The following TMEM269 variants were observed in gnomAD, a reference collection of about 807,000 sequenced individuals.
TMEM269 encodes the protein transmembrane protein 269.
A neutral mutation model predicts 15.8 loss-of-function variants in TMEM269; 12 were observed. The ratio of observed to expected loss-of-function variants is 0.76; its 90% CI spans 0.49 to 1.23. The LOEUF is 1.23. TMEM269 is among the 50% of genes most tolerant of loss of function. TMEM269 has a pLI of 0.00. For synonymous variants in TMEM269, 93 were observed against 99.3 expected (o/e 0.94, Z 0.38); for missense variants, 211 against 245.4 (o/e 0.86, Z 0.94).
At chr1:42,794,663 C>A in intron 5 of TMEM269, 50 bp downstream of exon 5, 1 of 1,277,582 alleles carries the variant, frequency 7.8e-7, no homozygotes, top group Non-Finnish European at 1.1e-6. Context: ...TTGCTTATTG[C>A]CACTGTACCT....
intron 5 of TMEM269, 65 bp downstream of exon 5, chr1:42,794,678 C>T: frequency 8.8e-7 from 1 of 1,133,374 alleles, no homozygotes; most frequent in Non-Finnish European, 1.3e-6. Context: ...GTACCTCACC[C>T]CAGCATTTTT....
At chr1:42,795,530 G>A (rs959265476) in intron 5 of TMEM269, among the ~76,000 whole-genome samples, 1 of 152,142 alleles carries the variant, frequency 6.6e-6, no homozygotes, top group African/African-American at 2.4e-5. Context: ...TGGTGGCAGT[G>A]GAGATAAAGA....
At chr1:42,792,970 C>T in intron 3 of TMEM269, 68 bp downstream of exon 3, 1 of 1,185,480 alleles carries the variant, frequency 8.4e-7, no homozygotes, top group South Asian at 1.3e-5. Context: ...CCCCTTCGTC[C>T]ATCCTCTAAC....
rs887037362 is a variant in TMEM269, at chr1:42,800,518, A to T, written c.*2293A>T. The stretch of plus-strand genomic sequence containing the variant: ...TCTCTTTGTCCTAAGCTTGAGAGAG[A>T]GTGTAGATTTCCCTCCTGGTCAACT... On this transcript the variant is annotated 3_prime_UTR_variant, in exon 6 of 6. Coordinates refer to ENST00000637012, the MANE Select transcript of TMEM269 (RefSeq NM_001354602.2). The T allele has an allele frequency of 6.6e-6, 1 of 152,182 alleles. No individual in the cohort carries two copies. The highest frequency in any genetic ancestry group is 1.5e-5 in the Non-Finnish European group (1 of 68,028). The allele number at this position is 152,182 out of a possible 1,614,324, so 9.4% of individuals were successfully genotyped here.
chr1:42,789,583 G>A, intron 1 of TMEM269: 1 of 1,342,000 alleles, frequency 7.5e-7, no homozygotes, highest in Admixed American at 2.0e-5. Context: ...CCACTCTGCT[G>A]TTGAGCTTTC....
chr1:42,789,925 G>A lies in TMEM269; in HGVS notation c.32G>A (p.Ser11Asn). The A allele has an allele frequency of 5.8e-6, 9 of 1,550,388 alleles. No individual in the cohort carries two copies. The highest frequency in any genetic ancestry group is 7.8e-6 in the Non-Finnish European group (9 of 1,146,822). The change falls in exon 2 of 6, where the codon AGC (serine) becomes AAC (asparagine). Residue 11 changes from serine (S) to asparagine (N), a missense_variant. Physicochemically the swap from Ser to Asn is conservative, Grantham distance 46 (BLOSUM62 1). Coordinates refer to ENST00000637012, the MANE Select transcript of TMEM269 (RefSeq NM_001354602.2). ...CTGGGGCTCTTCTCCATCATCTTCA[G>A]CTTCAGCAGGTAGGTCTGGGGCCCA... is the stretch of plus-strand genomic sequence containing the variant. MVLGLFSIIF[S>N]FSRKCHYASR...
intron 3 of TMEM269, among the ~76,000 whole-genome samples, chr1:42,793,114 T>A (rs970680598): frequency 6.6e-6 from 1 of 152,164 alleles, no homozygotes; most frequent in Admixed American, 6.5e-5. Flanking sequence ...CTTGCTGACC[T>A]TTGGGCAGTC....
At chr1:42,793,571 G>A in intron 3 of TMEM269, 30 bp from the exon 4 acceptor site, 1 of 1,539,380 alleles carries the variant, frequency 6.5e-7, no homozygotes, top group East Asian at 2.5e-5. Context: ...GGGAGTATAA[G>A]TTCTTCTAAC....
chr1:42,797,832 G>A lies in TMEM269; in HGVS notation c.485-266G>A. On this transcript the variant is annotated intron_variant, in intron 5 of 5. Coordinates refer to ENST00000637012, the MANE Select transcript of TMEM269 (RefSeq NM_001354602.2). The surrounding 1 kb of genome is among the most constrained non-coding windows in gnomAD (Gnocchi z 4.9). ...GTTTGTTTTGTTTTCCCTAACAAAG[G>A]CAATTCAGATTTATTATTGGCTGGA... 1.6e-6 allele frequency: 1 copy of A among 612,140 alleles called. No homozygotes were observed. Among genetic ancestry groups the A allele is most frequent in the Non-Finnish European group, 3.1e-6 (1 of 319,340 alleles). 37.9% of individuals were successfully genotyped at this position (612,140 alleles called of 1,614,324 possible).
At position 42,797,560 on chromosome 1, in the gene TMEM269, A is replaced by G. The variant is rs575570076; in HGVS notation, c.485-538A>G. On this transcript the variant is annotated intron_variant, in intron 5 of 5. Transcript: ENST00000637012. This position sits in a 1 kb window ranked among gnomAD's most constrained non-coding sequence, Gnocchi z 4.9. ...GTGCTTATATGGACAGTCTAGGAACAGTGAGACACTCTTATCAGTTGGGGA... is the reference window on the plus strand; with the variant it reads ...GTGCTTATATGGACAGTCTAGGAACGGTGAGACACTCTTATCAGTTGGGGA... Among the ~76,000 whole-genome samples the G allele has an allele frequency of 6.6e-6, 1 of 152,332 alleles. No homozygotes were observed. Among genetic ancestry groups the G allele is most frequent in the East Asian group, 1.9e-4 (1 of 5,180 alleles).
chr1:42,789,140 CT>C, intron 1 of TMEM269: 1 of 397,944 alleles, frequency 2.5e-6, no homozygotes, highest in Non-Finnish European at 4.7e-6. Flanking sequence ...CTAGGCTGGT[CT>C]CGAACTCCTG....
In TMEM269 at chr1:42,788,528, C is replaced by G. The variant is rs144589384; in HGVS notation, c.-98-1268C>G. Among the ~76,000 whole-genome samples the G allele has an allele frequency of 3.2e-3, 492 of 152,180 alleles. 3 individuals carry two copies. The highest frequency in any genetic ancestry group is 0.011 in the African/African-American group (467 of 41,520). ...AGACAAGACAGACTGTGAAGATGGG[C>G]AGGGCCAGCCAATTCCCTGTTGTGG... On this transcript the variant is annotated intron_variant, in intron 1 of 5. Coordinates refer to ENST00000637012, the MANE Select transcript of TMEM269 (RefSeq NM_001354602.2). This position sits in a 1 kb window ranked among gnomAD's most constrained non-coding sequence, Gnocchi z 4.0.
chr1:42,797,937 A>T lies in TMEM269; in HGVS notation c.485-161A>T. The T allele has an allele frequency of 2.5e-6, 2 of 787,496 alleles. No homozygotes were observed. Among genetic ancestry groups the T allele is most frequent in the Non-Finnish European group, 4.4e-6 (2 of 454,738 alleles). The allele number at this position is 787,496 out of a possible 1,614,324, so 48.8% of individuals were successfully genotyped here. On this transcript the variant is annotated intron_variant, in intron 5 of 5. Coordinates refer to ENST00000637012, the MANE Select transcript of TMEM269 (RefSeq NM_001354602.2). This position sits in a 1 kb window ranked among gnomAD's most constrained non-coding sequence, Gnocchi z 4.9. ...CTCTAGTTACTTACCTATCTCTATT[A>T]AACTGAACTTGAAGACAGGGCTCCT...
At chr1:42,785,322 T>C (rs969492465) in intron 1 of TMEM269, among the ~76,000 whole-genome samples, 2 of 152,114 alleles carry the variant, frequency 1.3e-5, no homozygotes, top group Non-Finnish European at 2.9e-5. Context: ...GTAACTGGCA[T>C]GAGCGGCGTC....
chr1:42,789,934 G>C lies in TMEM269; in HGVS notation c.41G>C (p.Arg14Thr), dbSNP rs1186330541. The change falls in exon 2 of 6, where the codon AGG (arginine) becomes ACG (threonine). Residue 14 changes from arginine (R) to threonine (T), a missense_variant and splice_region_variant. By Grantham distance (71) the Arg-to-Thr change is moderately conservative. Coordinates refer to ENST00000637012, the MANE Select transcript of TMEM269 (RefSeq NM_001354602.2). ...GLFSIIFSFS[R>T]KCHYASRMLL... ...TTCTCCATCATCTTCAGCTTCAGCA[G>C]GTAGGTCTGGGGCCCAGCAAGCTCT... The C allele has an allele frequency of 6.5e-7, 1 of 1,549,500 alleles. No individual in the cohort carries two copies. The highest frequency in any genetic ancestry group is 8.7e-7 in the Non-Finnish European group (1 of 1,146,032).
At chr1:42,789,391 C>G in intron 1 of TMEM269, 2 of 1,523,454 alleles carry the variant, frequency 1.3e-6, no homozygotes, top group Non-Finnish European at 1.8e-6. Context: ...CTACTTCTCT[C>G]TCAAGCCAAC....
chr1:42,793,638 C>T lies in TMEM269; in HGVS notation c.177C>T (p.Phe59=), dbSNP rs532526708. 31 of 1,550,364 alleles carry T rather than the reference C, an allele frequency of 2.0e-5. No homozygotes were observed. The South Asian group carries it at 2.0e-4, about 10-fold the overall frequency. ...ELNDFAVFTT[F]GLASALLLGV... Reference sequence around the variant, plus strand: ...ATGACTTTGCCGTCTTCACCACCTTCGGCTTGGCCTCCGCTCTGCTCCTAG... The same window carrying T: ...ATGACTTTGCCGTCTTCACCACCTTTGGCTTGGCCTCCGCTCTGCTCCTAG... The change falls in exon 4 of 6, where the codon TTC becomes TTT. Residue 59 remains phenylalanine (F), a synonymous_variant. Coordinates refer to ENST00000637012, the MANE Select transcript of TMEM269 (RefSeq NM_001354602.2).
chr1:42,791,999 C>G (rs1653695803), intron 2 of TMEM269, among the ~76,000 whole-genome samples: 1 of 151,430 alleles, frequency 6.6e-6, no homozygotes, highest in African/African-American at 2.4e-5. Flanking sequence ...GACTCCATCT[C>G]AAAAAAATAA....
rs776747629 is a variant in TMEM269, at chr1:42,792,805, GA to G, written c.45del (p.Lys15AsnfsTer15). 2 of 1,550,198 alleles carry G rather than the reference GA, an allele frequency of 1.3e-6. No homozygotes were observed. The highest frequency in any genetic ancestry group is 2.4e-5 in the South Asian group (2 of 84,054). On this transcript the variant is annotated frameshift_variant and splice_region_variant, in exon 3 of 6. Coordinates refer to ENST00000637012, the MANE Select transcript of TMEM269 (RefSeq NM_001354602.2). LOFTEE classifies it high-confidence loss of function. ...LFSIIFSFSR[K>X]CHYASRMLLV... ...TTGGGCTTGCTGGCCTGCACTTTAGGAAATGCCACTATGCCTCCCGGATGCT... is the reference window on the plus strand; with the variant it reads ...TTGGGCTTGCTGGCCTGCACTTTAGGAATGCCACTATGCCTCCCGGATGCT...
Sources: gnomAD v4.1 joint callset for allele counts (sites outside exome capture counted in the v4.1 genomes callset) on GRCh38, gnomAD v4.1.1 for gene constraint, Gnocchi (gnomAD v3.1) non-coding constraint, MANE v1.5 for transcripts, NCBI Gene and HGNC (gene_info 2026-07-23, HGNC 2026-07-21) for gene names.